The following SPACA6 variants were observed in gnomAD, a reference collection of about 807,000 sequenced individuals.
The protein encoded by SPACA6 is sperm acrosome associated 6.
For missense variants in SPACA6, 8 were observed against 2.8 expected (o/e 2.88, Z -1.34); for synonymous variants, 6 against 1.5 (o/e 4.05, Z -2.21).
At chr19:51,685,357 G>A (rs1460225704), upstream of SPACA6, 3 of 152,148 alleles carry the variant, frequency 2.0e-5, no homozygotes, top group Non-Finnish European at 2.9e-5. Context: ...GAGACAGAAA[G>A]TGTTTCAGGT....
At chr19:51,700,599 A>G (rs890640404) in intron 2 of SPACA6, among the ~76,000 whole-genome samples, 1 of 152,182 alleles carries the variant, frequency 6.6e-6, no homozygotes, top group Non-Finnish European at 1.5e-5. Flanking sequence ...TCTCCAGTTC[A>G]AGTTGGATCC....
chr19:51,707,512 G>A (rs994810694), downstream of SPACA6, among the ~76,000 whole-genome samples: 2 of 152,070 alleles, frequency 1.3e-5, no homozygotes, highest in African/African-American at 2.4e-5. Flanking sequence ...GTGAGCCACC[G>A]CGCCTGGCCA....
At chr19:51,688,951 A>AGAGAGG (rs1446222010), upstream of SPACA6, among the ~76,000 whole-genome samples, 7 of 150,464 alleles carry the variant, frequency 4.7e-5, no homozygotes, top group African/African-American at 1.7e-4. Flanking sequence ...GGAGAGAGGG[A>AGAGAGG]GAGAGAGAGC....
At chr19:51,692,619 A>T (rs757194245), upstream of SPACA6, 1 of 529,224 alleles carries the variant, frequency 1.9e-6, no homozygotes, top group Admixed American at 2.0e-5. This position sits in a 1 kb window ranked among gnomAD's most constrained non-coding sequence, Gnocchi z 5.6. Context: ...CCTGGCACCC[A>T]CCCGTAGAAC....
At position 51,703,965 on chromosome 19, in the gene SPACA6, G is replaced by T. The variant is rs1478787323; in HGVS notation, c.574-65G>T. On this transcript the variant is annotated intron_variant, in intron 6 of 8. Transcript: ENST00000637797. This position sits in a 1 kb window ranked among gnomAD's most constrained non-coding sequence, Gnocchi z 4.2. Reference sequence around the variant, plus strand: ...CAGGGGGCGTGGTCTGGCTCGGGGGGCGGGGCTTGTAGGTTACTCAGTGGC... The same window carrying T: ...CAGGGGGCGTGGTCTGGCTCGGGGGTCGGGGCTTGTAGGTTACTCAGTGGC... The T allele has an allele frequency of 1.8e-5, 7 of 399,080 alleles. No homozygotes were observed. The Admixed American group carries it at 1.8e-4, about 10-fold the overall frequency. The allele number at this position is 399,080 out of a possible 1,614,324, so 24.7% of individuals were successfully genotyped here. A position where few individuals can be genotyped will look rare whatever the true frequency, so the allele number is the denominator to read the frequency against.
chr19:51,702,624 C>T lies in SPACA6; in HGVS notation c.362-5C>T, dbSNP rs2083478179. 1 of 399,166 alleles carries T rather than the reference C, an allele frequency of 2.5e-6. No individual in the cohort carries two copies. Among genetic ancestry groups the T allele is most frequent in the East Asian group, 3.6e-5 (1 of 28,060 alleles). 24.7% of individuals were successfully genotyped at this position (399,166 alleles called of 1,614,324 possible). A position where few individuals can be genotyped will look rare whatever the true frequency, so the allele number is the denominator to read the frequency against. On this transcript the variant is annotated splice_polypyrimidine_tract_variant and splice_region_variant and intron_variant, in intron 3 of 8. Coordinates refer to ENST00000637797, the MANE Select transcript of SPACA6 (RefSeq NM_001316972.2). ...AAGGTAGTGATGTTTCCTCTTCCTC[C>T]ACAGCCCAGGCTTGCATCCCTCCCT...
At chr19:51,696,450 G>GT (rs1600137774) in intron 2 of SPACA6, among the ~76,000 whole-genome samples, 1 of 151,924 alleles carries the variant, frequency 6.6e-6, no homozygotes, top group African/African-American at 2.4e-5. Context: ...AGGGGTGATA[G>GT]TTTTTTTGTT....
upstream of SPACA6, chr19:51,687,012 G>A (rs1343761009): frequency 2.6e-5 from 4 of 152,168 alleles, no homozygotes; most frequent in African/African-American, 9.7e-5. Context: ...TTTGGGCCAG[G>A]TGTGGTGGCT....
upstream of SPACA6, chr19:51,688,986 G>A: frequency 6.5e-6 from 1 of 153,038 alleles, no homozygotes; most frequent in Non-Finnish European, 1.5e-5. Flanking sequence ...AGAGCGAGGA[G>A]GAGGCGCAGG....
chr19:51,705,736 GCC>G (rs898279544), downstream of SPACA6, among the ~76,000 whole-genome samples: 1 of 151,642 alleles, frequency 6.6e-6, no homozygotes, highest in Non-Finnish European at 1.5e-5. Context: ...TCACTCCAAG[GCC>G]CAGGCTGGAG....
intron 1 of SPACA6, 54 bp from the exon 2 acceptor site, chr19:51,694,424 A>T (rs1396197364): frequency 2.5e-6 from 1 of 399,280 alleles, no homozygotes; most frequent in Non-Finnish European, 4.4e-6. Context: ...CATTAGGGAC[A>T]TGGTGTTGCG....
rs376895818 is a variant in SPACA6, at chr19:51,704,298, A to T, written c.759A>T (p.Thr253=). 36 of 400,560 alleles carry T rather than the reference A, an allele frequency of 9.0e-5. No individual in the cohort carries two copies. Among genetic ancestry groups the T allele is most frequent in the Non-Finnish European group, 4.9e-5 (11 of 225,982 alleles). The allele number at this position is 400,560 out of a possible 1,614,324, so 24.8% of individuals were successfully genotyped here. Reference sequence around the variant, plus strand: ...CGGGCCCGCCCCCGCGGGCGGAGACAGAGTTGCAGGCCTCGTTCCGGGAAG... The same window carrying T: ...CGGGCCCGCCCCCGCGGGCGGAGACTGAGTTGCAGGCCTCGTTCCGGGAAG... ...NVTGPPPRAE[T]ELQASFREVL... is the part of the protein sequence containing the mutation. Residue 253 remains threonine, a synonymous_variant, in exon 8 of 9, where the codon ACA becomes ACT. Coordinates refer to ENST00000637797, the MANE Select transcript of SPACA6 (RefSeq NM_001316972.2).
downstream of SPACA6, among the ~76,000 whole-genome samples, chr19:51,706,947 C>T (rs980717769): frequency 1.3e-5 from 2 of 152,348 alleles, no homozygotes; most frequent in Admixed American, 1.3e-4. Context: ...AGGCGTGAGC[C>T]ACCGCTCCCA....
intron 2 of SPACA6, among the ~76,000 whole-genome samples, chr19:51,697,898 C>T (rs773221579): frequency 1.6e-4 from 24 of 152,162 alleles, no homozygotes; most frequent in Non-Finnish European, 2.9e-4. Context: ...TCTCCCCATG[C>T]CTCCGTTTCC....
downstream of SPACA6, chr19:51,705,206 G>GA (rs2083509613): frequency 2.5e-6 from 1 of 400,530 alleles, no homozygotes; most frequent in Admixed American, 4.4e-5. Flanking sequence ...TTTCATCTCC[G>GA]AAGGTGGTCA....
upstream of SPACA6, chr19:51,692,693 A>G (rs755800715): frequency 4.3e-5 from 23 of 533,358 alleles, no homozygotes; most frequent in Middle Eastern, 3.2e-4. This position sits in a 1 kb window ranked among gnomAD's most constrained non-coding sequence, Gnocchi z 5.6. Flanking sequence ...GGGGCTCACC[A>G]TCGCGGCTGG....
downstream of SPACA6, among the ~76,000 whole-genome samples, chr19:51,708,768 A>G (rs1252879689): frequency 1.3e-5 from 2 of 152,108 alleles, no homozygotes; most frequent in Non-Finnish European, 2.9e-5. Context: ...CAGAAGTTGC[A>G]GTGAGCTGAG....
In SPACA6 at chr19:51,699,078, A is replaced by G. The variant is rs2122212105; in HGVS notation, c.293-2580A>G. ...CTGGGTGGAGGGCAGTGGTGCAATCATAGCTCACTACAGCCTTGAACTCCT... is the reference window on the plus strand; with the variant it reads ...CTGGGTGGAGGGCAGTGGTGCAATCGTAGCTCACTACAGCCTTGAACTCCT... On this transcript the variant is annotated intron_variant, in intron 2 of 8. Transcript: ENST00000637797. Among the ~76,000 whole-genome samples the G allele has an allele frequency of 1.3e-5, 2 of 152,294 alleles. 1 individual carries two copies. Among genetic ancestry groups the G allele is most frequent in the South Asian group, 4.1e-4 (2 of 4,826 alleles).
Position 51,704,195 on chromosome 19 carries a change from G to GGGCGC in SPACA6, c.730+13_730+17dup. ...CTACTTCTTTCTTAACGGTGGGGCG[G>GGGCGC]GGCGCGGCCGCGTGAGTGAGCGGGG... On this transcript the variant is annotated intron_variant, in intron 7 of 8. Transcript: ENST00000637797. The GGGCGC allele has an allele frequency of 2.5e-6, 1 of 401,066 alleles. No individual in the cohort carries two copies. The highest frequency in any genetic ancestry group is 3.6e-5 in the East Asian group (1 of 28,052). 24.8% of individuals were successfully genotyped at this position (401,066 alleles called of 1,614,324 possible). A position where few individuals can be genotyped will look rare whatever the true frequency, so the allele number is the denominator to read the frequency against.
Sources: gnomAD v4.1 joint callset for allele counts (sites outside exome capture counted in the v4.1 genomes callset) on GRCh38, gnomAD v4.1.1 for gene constraint, Gnocchi (gnomAD v3.1) non-coding constraint, MANE v1.5 for transcripts, NCBI Gene and HGNC (gene_info 2026-07-23, HGNC 2026-07-21) for gene names.